ST7: variants seen among roughly 807,000 people sequenced by gnomAD.
The protein encoded by ST7 is suppression of tumorigenicity 7, also known as suppressor of tumorigenicity 7 protein.
Under a neutral mutation model 78.7 loss-of-function variants are expected in ST7, and 28 were observed. That is an observed-to-expected ratio of 0.36 (90% CI 0.26 to 0.49). The LOEUF is 0.49. Among genes scored for constraint, ST7 ranks in the 20% least tolerant of loss-of-function variants. The probability of loss-of-function intolerance (pLI) is 0.99; values close to 1 mark genes in which losing one functional copy is unlikely to be tolerated. For missense variants in ST7, 418 were observed against 696.0 expected, an observed-to-expected ratio of 0.60 and a Z score of 4.49; for synonymous variants, 247 against 249.6, an observed-to-expected ratio of 0.99 and a Z score of 0.10.
At chr7:117,077,157 T>C (rs1799412040) in intron 1 of ST7, among the ~76,000 whole-genome samples, 1 of 152,220 alleles carries the variant, frequency 6.6e-6, no homozygotes, top group African/African-American at 2.4e-5. Context: ...GATGTCCAGC[T>C]GTAGTCTCTG....
rs979096462 is a variant in ST7 at position 117,104,517 on chromosome 7, T to C, written c.234+4673T>C. Among the ~76,000 whole-genome samples the C allele has an allele frequency of 1.4e-4, 22 of 152,304 alleles. 1 individual carries two copies. The East Asian group carries it at 4.1e-3, about 28-fold the overall frequency. On this transcript the variant is annotated intron_variant, in intron 2 of 15. Coordinates refer to ENST00000323984, the MANE Select transcript of ST7 (RefSeq NM_001369598.1). ...GAGAAAGGGGTACTCTTGTACACTG[T>C]TGGTGGGATTGTAAATTAGTACAGC...
At chr7:116,966,331 A>G (rs1357507148) in intron 1 of ST7, among the ~76,000 whole-genome samples, 1 of 148,054 alleles carries the variant, frequency 6.8e-6, no homozygotes, top group African/African-American at 2.5e-5. Context: ...GCTCACTGCA[A>G]CCTCCACCTT....
intron 2 of ST7, among the ~76,000 whole-genome samples, chr7:117,117,263 G>C (rs1204695179): frequency 6.6e-6 from 1 of 152,118 alleles, no homozygotes; most frequent in Non-Finnish European, 1.5e-5. Context: ...AGAAACCCAG[G>C]GTTTGTGTGT....
intron 1 of ST7, among the ~76,000 whole-genome samples, chr7:117,027,463 AAAAGTAAAGT>A (rs71148357): frequency 1.8e-4 from 25 of 140,736 alleles, no homozygotes; most frequent in Admixed American, 1.6e-3. Flanking sequence ...AAAGTAAAGT[AAAAGTAAAGT>A]AAAGTAAAGT....
At chr7:117,020,721 T>TATGCAAA (rs1795856183) in intron 1 of ST7, 1 of 1,514,372 alleles carries the variant, frequency 6.6e-7, no homozygotes, top group Admixed American at 2.1e-5. Context: ...TTGCCTTAGG[T>TATGCAAA]CATTAACAAC....
chr7:117,001,952 G>A (rs540240030), intron 1 of ST7, among the ~76,000 whole-genome samples: 3 of 152,292 alleles, frequency 2.0e-5, no homozygotes, highest in East Asian at 3.9e-4. Context: ...TTGGCCAGGC[G>A]TGGTGGCTCA....
intron 1 of ST7, among the ~76,000 whole-genome samples, chr7:117,040,411 C>T (rs1344791974): frequency 6.6e-6 from 1 of 152,006 alleles, no homozygotes; most frequent in African/African-American, 2.4e-5. Flanking sequence ...AAATTTTATA[C>T]ACACATACAC....
intron 1 of ST7, among the ~76,000 whole-genome samples, chr7:117,050,983 T>C (rs1437813294): frequency 6.6e-6 from 1 of 152,164 alleles, no homozygotes; most frequent in Non-Finnish European, 1.5e-5. Flanking sequence ...GTTTGAGTTT[T>C]TCAAATTTTT....
intron 1 of ST7, among the ~76,000 whole-genome samples, chr7:117,052,798 G>T (rs568009415): frequency 6.6e-6 from 1 of 152,242 alleles, no homozygotes; most frequent in South Asian, 2.1e-4. Context: ...GGAGGCTGGG[G>T]CAGGAGAATG....
chr7:116,992,404 C>T (rs1273350622), intron 1 of ST7, among the ~76,000 whole-genome samples: 1 of 152,234 alleles, frequency 6.6e-6, no homozygotes, highest in Non-Finnish European at 1.5e-5. Context: ...GCAGGTTCAA[C>T]ACCATGTGGA....
intron 15 of ST7, among the ~76,000 whole-genome samples, chr7:117,227,735 G>A (rs889499804): frequency 6.6e-6 from 1 of 152,154 alleles, no homozygotes; most frequent in Non-Finnish European, 1.5e-5. Flanking sequence ...CTCCCATGAT[G>A]CCTTCCAACT....
intron 10 of ST7, among the ~76,000 whole-genome samples, chr7:117,184,802 A>G (rs1809095138): frequency 6.6e-6 from 1 of 152,230 alleles, no homozygotes; most frequent in South Asian, 2.1e-4. Context: ...AGTGTACCTA[A>G]TAGTACTCTA....
intron 2 of ST7, among the ~76,000 whole-genome samples, chr7:117,114,866 C>T (rs1802732003): frequency 6.6e-6 from 1 of 152,136 alleles, no homozygotes; most frequent in African/African-American, 2.4e-5. Context: ...GTTCCTTTGT[C>T]TGATTTTTGT....
intron 15 of ST7, among the ~76,000 whole-genome samples, chr7:117,227,771 C>T (rs1793540520): frequency 6.6e-6 from 1 of 152,136 alleles, no homozygotes; most frequent in East Asian, 1.9e-4. Flanking sequence ...CCCAATCCAG[C>T]TCTAAACTGA....
At chr7:117,195,168 C>T (rs1405969821) in intron 12 of ST7, among the ~76,000 whole-genome samples, 2 of 151,492 alleles carry the variant, frequency 1.3e-5, no homozygotes, top group African/African-American at 4.9e-5. Flanking sequence ...AAAAAATTAG[C>T]ATAGGGCTCT....
intron 1 of ST7, among the ~76,000 whole-genome samples, chr7:117,066,384 C>A (rs937678106): frequency 6.6e-6 from 1 of 152,266 alleles, no homozygotes; most frequent in East Asian, 1.9e-4. Flanking sequence ...AGATATTGAA[C>A]AAATGAACCT....
chr7:117,009,787 C>T (rs1477690070), intron 1 of ST7, among the ~76,000 whole-genome samples: 2 of 152,058 alleles, frequency 1.3e-5, no homozygotes, highest in South Asian at 2.1e-4. Context: ...CCACACAGCA[C>T]CTCTTATAAA....
At chr7:117,057,198 A>G (rs997233696) in intron 1 of ST7, among the ~76,000 whole-genome samples, 1 of 152,178 alleles carries the variant, frequency 6.6e-6, no homozygotes, top group Non-Finnish European at 1.5e-5. Context: ...GCTGTATTTC[A>G]TTACCTAATT....
intron 1 of ST7, among the ~76,000 whole-genome samples, chr7:116,975,037 C>T (rs77284199): frequency 0.011 from 1,710 of 152,132 alleles, 18 homozygotes; most frequent in Non-Finnish European, 0.02. Context: ...TGCATTAGTC[C>T]ATTTTCATAC....
Sources: gnomAD v4.1 joint callset for allele counts (sites outside exome capture counted in the v4.1 genomes callset) on GRCh38, gnomAD v4.1.1 for gene constraint, MANE v1.5 for transcripts, NCBI Gene and HGNC (gene_info 2026-07-23, HGNC 2026-07-21) for gene names.